The following NTRK3 variants were observed in gnomAD, a reference collection of about 807,000 sequenced individuals.
NTRK3 encodes the protein NT-3 growth factor receptor.
NTRK3 carries 24 observed loss-of-function variants against 91.7 expected under a neutral mutation model. That is an observed-to-expected ratio of 0.26 (90% CI 0.19 to 0.37). The LOEUF is 0.37. NTRK3 is among the 10% of genes least tolerant of loss of function. The probability of loss-of-function intolerance (pLI) is 1.00; values close to 1 mark genes in which losing one functional copy is unlikely to be tolerated. For missense variants in NTRK3, 880 were observed against 1,068.9 expected (o/e 0.82, Z 2.46); for synonymous variants, 483 against 404.0 (o/e 1.20, Z -2.34).
In NTRK3 at chr15:88,192,607, C is replaced by T. The variant is rs115183562; in HGVS notation, c.249-8308G>A. ...CTATGACAATAAAATCCAGTGATGT[C>T]CAGACATCACTGGAAGCCACCCTCA... On this transcript the variant is annotated intron_variant, in intron 3 of 18. Transcript: ENST00000394480. 8.9e-3 allele frequency among the ~76,000 whole-genome samples: 1,360 copies of T among 152,260 alleles called. 21 individuals are homozygous for T. Among genetic ancestry groups the T allele is most frequent in the African/African-American group, 0.031 (1,293 of 41,542 alleles).
At chr15:88,010,648 T>C (rs1330867939) in intron 14 of NTRK3, among the ~76,000 whole-genome samples, 1 of 152,168 alleles carries the variant, frequency 6.6e-6, no homozygotes, top group Non-Finnish European at 1.5e-5. Context: ...GAGAATTTTA[T>C]TTTTAAAATA....
chr15:88,248,734 G>T (rs2053080739), intron 3 of NTRK3, among the ~76,000 whole-genome samples: 1 of 152,142 alleles, frequency 6.6e-6, no homozygotes, highest in Admixed American at 6.5e-5. Context: ...ATCTTATTGG[G>T]GTTGATGTGA....
intron 13 of NTRK3, among the ~76,000 whole-genome samples, chr15:88,038,629 G>A (rs1222572493): frequency 6.6e-6 from 1 of 152,178 alleles, no homozygotes; most frequent in African/African-American, 2.4e-5. Flanking sequence ...CTGTGCATGG[G>A]TAGGGGCATG....
chr15:88,248,305 A>G (rs1056734447), intron 3 of NTRK3, among the ~76,000 whole-genome samples: 9 of 152,168 alleles, frequency 5.9e-5, no homozygotes, highest in African/African-American at 2.2e-4. Context: ...AGGAGAGACC[A>G]AAAGCCTCCC....
At chr15:88,162,273 G>A (rs955930684) in intron 5 of NTRK3, among the ~76,000 whole-genome samples, 1 of 152,124 alleles carries the variant, frequency 6.6e-6, no homozygotes, top group African/African-American at 2.4e-5. Context: ...TTCTGAAATG[G>A]GAGCAAAATC....
intron 14 of NTRK3, among the ~76,000 whole-genome samples, chr15:87,999,364 G>C (rs144668799): frequency 5.1e-4 from 77 of 152,222 alleles, no homozygotes; most frequent in African/African-American, 1.7e-3. Context: ...TCTAGCAGCA[G>C]GTACTTAGTA....
chr15:88,002,802 G>T (rs1318394637), intron 14 of NTRK3, among the ~76,000 whole-genome samples: 2 of 151,106 alleles, frequency 1.3e-5, no homozygotes, highest in East Asian at 3.9e-4. Flanking sequence ...CTAACCAGGT[G>T]AATCTCAGCC....
At chr15:87,936,931 T>C (rs536944853) in intron 15 of NTRK3, among the ~76,000 whole-genome samples, 3 of 152,274 alleles carry the variant, frequency 2.0e-5, no homozygotes, top group African/African-American at 4.8e-5. Flanking sequence ...ATGGACTCTA[T>C]AAGGTCTGGT....
chr15:87,913,770 T>A (rs140570996), intron 17 of NTRK3, among the ~76,000 whole-genome samples: 3 of 152,306 alleles, frequency 2.0e-5, no homozygotes, highest in African/African-American at 7.2e-5. Flanking sequence ...ATTGGCCTCT[T>A]TACGATCAGC....
At chr15:87,957,640 A>ATGC (rs553727452) in intron 14 of NTRK3, among the ~76,000 whole-genome samples, 2 of 151,838 alleles carry the variant, frequency 1.3e-5, no homozygotes, top group Non-Finnish European at 2.9e-5. Context: ...GAGGAAACAA[A>ATGC]TGTGCACTGT....
chr15:88,147,465 T>C (rs2151315145), intron 5 of NTRK3, 62 bp from the exon 6 acceptor site: 1 of 1,364,192 alleles, frequency 7.3e-7, no homozygotes, highest in East Asian at 2.3e-5. Flanking sequence ...ATGCTCTAGG[T>C]AGTAAGCTTA....
chr15:87,976,029 G>C (rs192267006), intron 14 of NTRK3, among the ~76,000 whole-genome samples: 77 of 152,012 alleles, frequency 5.1e-4, no homozygotes, highest in Non-Finnish European at 9.9e-4. Context: ...ATATTCTCAG[G>C]GGCCATCTTT....
At chr15:87,987,392 G>C (rs2074904697) in intron 14 of NTRK3, among the ~76,000 whole-genome samples, 1 of 152,072 alleles carries the variant, frequency 6.6e-6, no homozygotes, top group African/African-American at 2.4e-5. Flanking sequence ...TACTGAGGTT[G>C]TACATCATCT....
intron 13 of NTRK3, among the ~76,000 whole-genome samples, chr15:88,043,666 C>T (rs1251527546): frequency 6.6e-6 from 1 of 152,152 alleles, no homozygotes; most frequent in Admixed American, 6.5e-5. Context: ...TCTGACTTTA[C>T]GGAGGTCACA....
chr15:88,184,672 G>A (rs2046808246), intron 3 of NTRK3, among the ~76,000 whole-genome samples: 1 of 152,078 alleles, frequency 6.6e-6, no homozygotes, highest in South Asian at 2.1e-4. Flanking sequence ...ATTTCCTAAG[G>A]ACTGGCCTTT....
At chr15:88,247,774 A>G (rs2052980515) in intron 3 of NTRK3, among the ~76,000 whole-genome samples, 1 of 152,188 alleles carries the variant, frequency 6.6e-6, no homozygotes, top group African/African-American at 2.4e-5. Context: ...AGAAAGTTGT[A>G]TCTGTCTCCC....
intron 17 of NTRK3, among the ~76,000 whole-genome samples, chr15:87,923,179 G>A (rs139822096): frequency 7.2e-5 from 11 of 152,306 alleles, no homozygotes; most frequent in Admixed American, 3.3e-4. Context: ...CCTTAACTCT[G>A]GCAGAGATTG....
exon 13 of NTRK3, chr15:88,126,290 C>G (rs373822050): frequency 1.2e-6 from 2 of 1,613,726 alleles, no homozygotes; most frequent in African/African-American, 2.7e-5. Context: ...CAAATTTGGA[C>G]CGTCGACCAT....
At chr15:88,051,097 C>CTCCTACCA (rs1473665210) in intron 13 of NTRK3, among the ~76,000 whole-genome samples, 1 of 152,178 alleles carries the variant, frequency 6.6e-6, no homozygotes, top group Admixed American at 6.5e-5. Flanking sequence ...CTAACCACAT[C>CTCCTACCA]TCCTACCAGC....
Sources: gnomAD v4.1 joint callset for allele counts (sites outside exome capture counted in the v4.1 genomes callset) on GRCh38, gnomAD v4.1.1 for gene constraint, MANE v1.5 for transcripts, NCBI Gene and HGNC (gene_info 2026-07-23, HGNC 2026-07-21) for gene names.